Variants in TAF1A observed in about 807,000 individuals in gnomAD.
The protein encoded by TAF1A is TATA box-binding protein-associated factor RNA polymerase I subunit A.
Under a neutral mutation model 61.6 loss-of-function variants are expected in TAF1A, and 42 were observed. The observed-to-expected ratio is 0.68, with a 90% CI of 0.53 to 0.88. TAF1A has a LOEUF of 0.88. Ranked by LOEUF, TAF1A falls within the 40% of genes least tolerant of loss-of-function variation. The pLI is 0.00. For missense variants in TAF1A, 424 were observed against 518.7 expected (o/e 0.82, Z 1.77); for synonymous variants, 179 against 177.7 (o/e 1.01, Z -0.06).
chr1:222,567,447 G>C (rs1432593539), intron 7 of TAF1A, among the ~76,000 whole-genome samples: 1 of 151,946 alleles, frequency 6.6e-6, no homozygotes, highest in African/African-American at 2.4e-5. Context: ...GATCAAAATG[G>C]TAACATTTAT....
intron 2 of TAF1A, among the ~76,000 whole-genome samples, chr1:222,586,934 C>T (rs1220402172): frequency 2.0e-5 from 3 of 152,206 alleles, no homozygotes; most frequent in Non-Finnish European, 2.9e-5. Flanking sequence ...AACAGGCTAT[C>T]CATGACATAT....
intron 7 of TAF1A, among the ~76,000 whole-genome samples, chr1:222,566,448 T>C (rs538479498): frequency 1.2e-4 from 18 of 152,334 alleles, no homozygotes; most frequent in Non-Finnish European, 2.2e-4. Flanking sequence ...CATTATAATA[T>C]ATAATGAAAT....
intron 3 of TAF1A, among the ~76,000 whole-genome samples, chr1:222,581,839 A>G (rs968121068): frequency 2.6e-5 from 4 of 152,220 alleles, no homozygotes; most frequent in Non-Finnish European, 5.9e-5. Context: ...GATGGAAAAG[A>G]AAAAACAAGC....
At chr1:222,586,470 T>C (rs1661020733) in intron 2 of TAF1A, among the ~76,000 whole-genome samples, 2 of 152,172 alleles carry the variant, frequency 1.3e-5, no homozygotes, top group Admixed American at 6.5e-5. Flanking sequence ...GGAAAAGTTC[T>C]CCTCTCATTT....
intron 5 of TAF1A, among the ~76,000 whole-genome samples, chr1:222,576,238 G>A (rs1660567638): frequency 6.6e-6 from 1 of 152,130 alleles, no homozygotes; most frequent in South Asian, 2.1e-4. Flanking sequence ...TTCTAGAAGA[G>A]GAGACTCTAC....
chr1:222,585,739 G>T (rs1558155432), intron 2 of TAF1A, among the ~76,000 whole-genome samples: 1 of 151,960 alleles, frequency 6.6e-6, no homozygotes, highest in African/African-American at 2.4e-5. Context: ...TATAAATATT[G>T]ATACATACTT....
chr1:222,565,122 T>C (rs1313315730), intron 7 of TAF1A, among the ~76,000 whole-genome samples: 1 of 152,224 alleles, frequency 6.6e-6, no homozygotes, highest in African/African-American at 2.4e-5. Flanking sequence ...AAATCCTCCA[T>C]TTGTTTTGAA....
In TAF1A at chr1:222,579,770, T is replaced by C; in HGVS notation, c.394A>G (p.Asn132Asp). 1 of 1,609,824 alleles carries C rather than the reference T, an allele frequency of 6.2e-7. No homozygotes were observed. Among genetic ancestry groups the C allele is most frequent in the Non-Finnish European group, 8.5e-7 (1 of 1,178,904 alleles). ...ANRMKNIGVM[N>D]YLKISLQHAL... ...GCCCATATTCTCACCTTTAAATAATTCATGACGCCAATATTTTTCATCCGG... is the reference window on the plus strand; with the variant it reads ...GCCCATATTCTCACCTTTAAATAATCCATGACGCCAATATTTTTCATCCGG... Residue 132 changes from asparagine to aspartate, a missense_variant, in exon 4 of 11, where the codon AAT becomes GAT. Physicochemically the swap from Asn to Asp is conservative, Grantham distance 23. Coordinates refer to ENST00000352967, the MANE Select transcript of TAF1A (RefSeq NM_005681.4).
chr1:222,572,296 T>C (rs1411924302), intron 5 of TAF1A, among the ~76,000 whole-genome samples: 1 of 151,758 alleles, frequency 6.6e-6, no homozygotes, highest in Non-Finnish European at 1.5e-5. Flanking sequence ...GAGACACATG[T>C]AGATCAATGG....
chr1:222,577,634 G>T lies in TAF1A; in HGVS notation c.415C>A (p.Gln139Lys). 1 of 1,613,664 alleles carries T rather than the reference G, an allele frequency of 6.2e-7. No homozygotes were observed. Among genetic ancestry groups the T allele is most frequent in the Non-Finnish European group, 8.5e-7 (1 of 1,179,758 alleles). Residue 139 changes from glutamine to lysine, a missense_variant, in exon 5 of 11, where the codon CAA (glutamine) becomes AAA (lysine). Gln to Lys is a moderately conservative substitution (Grantham distance 53). Coordinates refer to ENST00000352967, the MANE Select transcript of TAF1A (RefSeq NM_005681.4). ...GVMNYLKISLQHALYLLHHGM... is the reference protein window; with the variant it reads ...GVMNYLKISLKHALYLLHHGM... Reference sequence around the variant, plus strand: ...TGATGCAGAAGGTATAATGCATGTTGTAAGGAGATCTGCAAAAATAATAAG... The same window carrying T: ...TGATGCAGAAGGTATAATGCATGTTTTAAGGAGATCTGCAAAAATAATAAG...
intron 7 of TAF1A, 182 bp downstream of exon 7, chr1:222,569,328 G>C: frequency 6.6e-7 from 1 of 1,524,704 alleles, no homozygotes; most frequent in Non-Finnish European, 8.8e-7. Context: ...GGGCAGCAGG[G>C]GATAGTGTGG....
intron 5 of TAF1A, among the ~76,000 whole-genome samples, chr1:222,576,763 T>G (rs1558149735): frequency 1.3e-5 from 2 of 152,238 alleles, no homozygotes; most frequent in South Asian, 4.1e-4. Flanking sequence ...TTAAACTCCA[T>G]TCTAGGCACA....
chr1:222,579,776 C>A lies in TAF1A; in HGVS notation c.388G>T (p.Val130Phe), dbSNP rs1238571781. 13 of 1,609,944 alleles carry A rather than the reference C, an allele frequency of 8.1e-6. No homozygotes were observed. Among genetic ancestry groups the A allele is most frequent in the Non-Finnish European group, 1.1e-5 (13 of 1,178,964 alleles). Reference sequence around the variant, plus strand: ...ATTCTCACCTTTAAATAATTCATGACGCCAATATTTTTCATCCGGTTAGCA... The same window carrying A: ...ATTCTCACCTTTAAATAATTCATGAAGCCAATATTTTTCATCCGGTTAGCA... ...TFANRMKNIGVMNYLKISLQH... is the reference protein window; with the variant it reads ...TFANRMKNIGFMNYLKISLQH... The change falls in exon 4 of 11, where the codon GTC becomes TTC. Residue 130 changes from valine to phenylalanine, a missense_variant. Physicochemically the swap from Val to Phe is conservative, Grantham distance 50. Coordinates refer to ENST00000352967, the MANE Select transcript of TAF1A (RefSeq NM_005681.4).
At chr1:222,579,708 G>GAA (rs760002709) in intron 4 of TAF1A, 51 bp downstream of exon 4, 10 of 1,408,390 alleles carry the variant, frequency 7.1e-6, no homozygotes, top group South Asian at 1.4e-5. Context: ...CAAGCAATTA[G>GAA]AAAAAAAAAA....
chr1:222,581,334 T>C (rs1660780925), intron 3 of TAF1A, among the ~76,000 whole-genome samples: 1 of 152,224 alleles, frequency 6.6e-6, no homozygotes, highest in Admixed American at 6.5e-5. Context: ...AAATTTTCAA[T>C]GAATGGTTAA....
At chr1:222,572,019 C>T (rs1013911959) in intron 5 of TAF1A, among the ~76,000 whole-genome samples, 2 of 152,072 alleles carry the variant, frequency 1.3e-5, no homozygotes, top group Non-Finnish European at 2.9e-5. Flanking sequence ...GAGTTCGAGA[C>T]CAGCCTGACC....
At chr1:222,569,769 C>A in intron 6 of TAF1A, 101 bp from the exon 7 acceptor site, 1 of 1,113,048 alleles carries the variant, frequency 9.0e-7, no homozygotes, top group South Asian at 1.8e-5. Context: ...TTTTAAAAAT[C>A]ACAAAACTGA....
intron 5 of TAF1A, 93 bp from the exon 6 acceptor site, chr1:222,570,758 A>T: frequency 8.4e-7 from 1 of 1,193,714 alleles, no homozygotes; most frequent in Non-Finnish European, 1.2e-6. Flanking sequence ...AGAAAAACTC[A>T]GTTGCTGATA....
At chr1:222,576,949 T>C (rs1343464838) in intron 5 of TAF1A, among the ~76,000 whole-genome samples, 1 of 152,208 alleles carries the variant, frequency 6.6e-6, no homozygotes, top group Non-Finnish European at 1.5e-5. Flanking sequence ...TCTAGAACAC[T>C]AACATAGTTT....
Sources: allele counts gnomAD v4.1 joint callset (sites outside exome capture counted in the v4.1 genomes callset), GRCh38; gene constraint gnomAD v4.1.1; transcripts MANE v1.5; gene names NCBI Gene and HGNC (gene_info 2026-07-23, HGNC 2026-07-21).